VPS8: variants seen among roughly 807,000 people sequenced by gnomAD.
VPS8 encodes VPS8 subunit of CORVET complex, also known as vacuolar protein sorting-associated protein 8 homolog.
VPS8 carries 129 observed loss-of-function variants against 216.4 expected under a neutral mutation model. That is an observed-to-expected ratio of 0.60 (90% confidence interval 0.52 to 0.69). The LOEUF (loss-of-function observed/expected upper bound fraction) is 0.69. Among genes scored for constraint, VPS8 ranks in the 30% least tolerant of loss-of-function variants. The pLI, the probability that VPS8 is intolerant of heterozygous loss-of-function variation, is 0.00. For missense variants in VPS8, 1,531 were observed against 1,683.5 expected (o/e 0.91, Z 1.59); for synonymous variants, 571 against 565.4 (o/e 1.01, Z -0.14).
intron 14 of VPS8, 28 bp downstream of exon 14, chr3:184,855,846 C>T: frequency 2.6e-6 from 4 of 1,544,116 alleles, no homozygotes; most frequent in Non-Finnish European, 3.5e-6. Context: ...CATTAGAAAG[C>T]CTCTTACAAT....
At chr3:184,956,828 C>CA (rs562464759) in intron 36 of VPS8, among the ~76,000 whole-genome samples, 10 of 151,920 alleles carry the variant, frequency 6.6e-5, no homozygotes, top group Non-Finnish European at 1.5e-4. Context: ...TAACAATAAC[C>CA]AAAAAAATTA....
chr3:184,878,152 C>T (rs1278834282), intron 21 of VPS8, among the ~76,000 whole-genome samples: 1 of 151,738 alleles, frequency 6.6e-6, no homozygotes, highest in Non-Finnish European at 1.5e-5. Context: ...CTCTTGTCCT[C>T]CAGATTGGAG....
At chr3:185,027,444 G>T (rs1320685101) in intron 46 of VPS8, among the ~76,000 whole-genome samples, 1 of 151,124 alleles carries the variant, frequency 6.6e-6, no homozygotes, top group Non-Finnish European at 1.5e-5. Context: ...GGGTTTCACT[G>T]TGTTAGCCAG....
chr3:184,956,925 T>A (rs1745708067), intron 36 of VPS8, among the ~76,000 whole-genome samples: 1 of 152,206 alleles, frequency 6.6e-6, no homozygotes, highest in Admixed American at 6.5e-5. Flanking sequence ...GAATTTATAG[T>A]GTTTTAGAGA....
chr3:184,979,705 A>G (rs1749872151), intron 40 of VPS8, among the ~76,000 whole-genome samples: 1 of 152,070 alleles, frequency 6.6e-6, no homozygotes, highest in South Asian at 2.1e-4. Context: ...TGCGTGTAAG[A>G]TGGATCTCTT....
chr3:184,870,712 A>C lies in VPS8; in HGVS notation c.1645-4A>C, dbSNP rs144248450. 89 of 1,609,180 alleles carry C rather than the reference A, an allele frequency of 5.5e-5. 2 individuals are homozygous for C. The East Asian group carries it at 2.0e-3, about 36-fold the overall frequency. ...ATGTCTATGCCAGGCTGTTTTCCTTACAGATGGTAGAAATCCTATTCCATT... is the reference window on the plus strand; with the variant it reads ...ATGTCTATGCCAGGCTGTTTTCCTTCCAGATGGTAGAAATCCTATTCCATT... On this transcript the variant is annotated splice_region_variant and splice_polypyrimidine_tract_variant and intron_variant, in intron 20 of 47. Transcript: ENST00000625842.
intron 15 of VPS8, among the ~76,000 whole-genome samples, chr3:184,861,068 C>T (rs1436963421): frequency 2.0e-5 from 3 of 152,046 alleles, no homozygotes; most frequent in Admixed American, 6.5e-5. Flanking sequence ...GTGATCTGCC[C>T]GCCTCAGCCT....
At chr3:184,879,749 T>A (rs570205668) in intron 21 of VPS8, among the ~76,000 whole-genome samples, 1 of 152,202 alleles carries the variant, frequency 6.6e-6, no homozygotes, top group Non-Finnish European at 1.5e-5. Flanking sequence ...CTGTAGGAAG[T>A]TGAGTCTTTG....
intron 29 of VPS8, among the ~76,000 whole-genome samples, chr3:184,924,333 A>G (rs925863539): frequency 1.3e-5 from 2 of 152,198 alleles, no homozygotes; most frequent in South Asian, 2.1e-4. Flanking sequence ...CCTGGCCAAC[A>G]TGGTGAAACT....
intron 25 of VPS8, 53 bp downstream of exon 25, chr3:184,901,025 T>C: frequency 6.5e-7 from 1 of 1,541,932 alleles, no homozygotes; most frequent in Non-Finnish European, 8.9e-7. Context: ...AAGGTATTAT[T>C]TAAATGTTAC....
At chr3:185,029,419 T>C (rs1757803815) in intron 46 of VPS8, among the ~76,000 whole-genome samples, 1 of 152,186 alleles carries the variant, frequency 6.6e-6, no homozygotes. Context: ...ATTCAAGTGC[T>C]AAGGAAACCA....
chr3:184,987,103 G>A (rs761237544), intron 42 of VPS8, among the ~76,000 whole-genome samples: 15 of 151,614 alleles, frequency 9.9e-5, no homozygotes, highest in Non-Finnish European at 1.9e-4. Context: ...CTAATCCCCT[G>A]GCAACCACTA....
intron 40 of VPS8, among the ~76,000 whole-genome samples, chr3:184,977,250 G>A (rs1038310772): frequency 5.3e-5 from 8 of 152,124 alleles, no homozygotes; most frequent in East Asian, 1.9e-4. Flanking sequence ...GGCCACTTGC[G>A]TGTCTTCTTT....
chr3:184,903,134 C>G (rs961300584), intron 25 of VPS8, among the ~76,000 whole-genome samples: 3 of 152,132 alleles, frequency 2.0e-5, no homozygotes, highest in Non-Finnish European at 4.4e-5. Flanking sequence ...CTATTCTGTC[C>G]TATTGAGCTG....
intron 35 of VPS8, among the ~76,000 whole-genome samples, chr3:184,938,328 C>T (rs1431980977): frequency 6.6e-6 from 1 of 152,306 alleles, no homozygotes; most frequent in Non-Finnish European, 1.5e-5. Context: ...ACATTAAGTG[C>T]TGAGGATACA....
rs778573029 is a variant in VPS8 at position 184,824,749 on chromosome 3, A to G, written c.117A>G (p.Ile39Met). ...CTTCACTTTCAAAATTCTCTTACAT[A>G]GATATGGACAAGGAACTGGAGTTCA... The part of the protein sequence containing the change: ...LEASLSKFSY[I>M]DMDKELEFKN... The change falls in exon 2 of 48, where the codon ATA becomes ATG. Residue 39 changes from isoleucine (I) to methionine (M), a missense_variant. By Grantham distance (10) the Ile-to-Met change is conservative (BLOSUM62 1). Transcript: ENST00000625842. 1.9e-6 allele frequency: 3 copies of G among 1,613,300 alleles called. No individual in the cohort carries two copies. Among genetic ancestry groups the G allele is most frequent in the Admixed American group, 3.3e-5 (2 of 59,908 alleles).
intron 45 of VPS8, among the ~76,000 whole-genome samples, chr3:185,020,520 G>C (rs1431454343): frequency 1.3e-5 from 2 of 150,768 alleles, no homozygotes; most frequent in African/African-American, 4.9e-5. Context: ...GCCTAGACTG[G>C]AGTACAGTGT....
intron 22 of VPS8, chr3:184,893,551 G>A: frequency 2.6e-6 from 1 of 384,570 alleles, no homozygotes; most frequent in Non-Finnish European, 3.7e-6. Context: ...TTATTAAATT[G>A]TCAGGGGAGA....
intron 35 of VPS8, among the ~76,000 whole-genome samples, chr3:184,939,188 A>G (rs1469984281): frequency 6.6e-6 from 1 of 152,158 alleles, no homozygotes; most frequent in Non-Finnish European, 1.5e-5. Context: ...TATGCCTCTG[A>G]CCAATTGTTT....
Sources: allele counts gnomAD v4.1 joint callset (sites outside exome capture counted in the v4.1 genomes callset), GRCh38; gene constraint gnomAD v4.1.1; transcripts MANE v1.5; gene names NCBI Gene and HGNC (gene_info 2026-07-23, HGNC 2026-07-21).